CCBE1: variants seen among roughly 807,000 people sequenced by gnomAD.
The protein encoded by CCBE1 is collagen and calcium binding EGF domains 1, also known as collagen and calcium-binding EGF domain-containing protein 1.
In CCBE1, 37 loss-of-function variants were observed where a neutral mutation model predicts 50.0. The observed-to-expected ratio is 0.74, with a 90% CI of 0.57 to 0.97. The LOEUF is 0.97. Among genes scored for constraint, CCBE1 ranks in the 50% least tolerant of loss-of-function variants. The probability of loss-of-function intolerance (pLI) is 0.00; values close to 1 mark genes in which losing one functional copy is unlikely to be tolerated. For synonymous variants in CCBE1, 234 were observed against 203.7 expected (o/e 1.15, Z -1.27); for missense variants, 538 against 523.8 (o/e 1.03, Z -0.26).
chr18:59,534,393 T>C (rs1915165960), intron 2 of CCBE1, among the ~76,000 whole-genome samples: 1 of 152,226 alleles, frequency 6.6e-6, no homozygotes, highest in Non-Finnish European at 1.5e-5. Flanking sequence ...AGTGGGATAT[T>C]ATTAAAAGCA....
intron 2 of CCBE1, among the ~76,000 whole-genome samples, chr18:59,676,268 T>A (rs1014438544): frequency 6.6e-6 from 1 of 152,238 alleles, no homozygotes; most frequent in Admixed American, 6.5e-5. Context: ...GAACAGTCTT[T>A]GTTCTCTTGG....
chr18:59,529,141 G>A (rs1322068230), intron 2 of CCBE1, among the ~76,000 whole-genome samples: 1 of 151,976 alleles, frequency 6.6e-6, no homozygotes, highest in Non-Finnish European at 1.5e-5. Context: ...GGAGATCAGA[G>A]TTCTGTCCGT....
At chr18:59,590,838 C>A (rs1400805393) in intron 2 of CCBE1, among the ~76,000 whole-genome samples, 2 of 152,186 alleles carry the variant, frequency 1.3e-5, no homozygotes, top group Admixed American at 1.3e-4. Context: ...TAGATACAGA[C>A]TTCACTCCAT....
chr18:59,448,652 T>C (rs1910793450), intron 6 of CCBE1, among the ~76,000 whole-genome samples: 1 of 152,220 alleles, frequency 6.6e-6, no homozygotes, highest in South Asian at 2.1e-4. Flanking sequence ...ACAAATTCTT[T>C]GACACTTTGT....
At chr18:59,542,916 C>T (rs538574666) in intron 2 of CCBE1, among the ~76,000 whole-genome samples, 6 of 152,318 alleles carry the variant, frequency 3.9e-5, no homozygotes, top group East Asian at 1.9e-4. Context: ...ACTGAACTCT[C>T]GAACCCCACT....
chr18:59,603,533 T>C (rs1791402833), intron 2 of CCBE1, among the ~76,000 whole-genome samples: 1 of 152,198 alleles, frequency 6.6e-6, no homozygotes, highest in African/African-American at 2.4e-5. Flanking sequence ...ACCTTTCACA[T>C]CCTGGGTCAT....
chr18:59,467,635 C>T (rs919574823), intron 4 of CCBE1, among the ~76,000 whole-genome samples: 13 of 152,164 alleles, frequency 8.5e-5, no homozygotes, highest in African/African-American at 2.9e-4. Flanking sequence ...GAAACAAAAA[C>T]GTTTCCCACC....
intron 2 of CCBE1, among the ~76,000 whole-genome samples, chr18:59,521,466 ACT>A (rs1914597929): frequency 6.6e-6 from 1 of 152,132 alleles, no homozygotes; most frequent in Non-Finnish European, 1.5e-5. Context: ...TTCCCAAAAC[ACT>A]GAGCAGAGAA....
chr18:59,488,771 T>C (rs1199006495), intron 2 of CCBE1, among the ~76,000 whole-genome samples: 1 of 151,790 alleles, frequency 6.6e-6, no homozygotes, highest in Non-Finnish European at 1.5e-5. Context: ...AAGCTTGGGG[T>C]GAGGGTTACA....
chr18:59,487,001 C>T (rs1028962863), intron 2 of CCBE1, among the ~76,000 whole-genome samples: 1 of 151,324 alleles, frequency 6.6e-6, no homozygotes, highest in Non-Finnish European at 1.5e-5. Flanking sequence ...CTGAGTAGAA[C>T]CTGGCCTCTA....
At chr18:59,499,069 C>T (rs1042453484) in intron 2 of CCBE1, among the ~76,000 whole-genome samples, 4 of 152,202 alleles carry the variant, frequency 2.6e-5, no homozygotes, top group African/African-American at 9.7e-5. Flanking sequence ...GTGTCATTTA[C>T]TCATACATCC....
At chr18:59,515,453 T>C (rs2144310130) in intron 2 of CCBE1, among the ~76,000 whole-genome samples, 1 of 152,306 alleles carries the variant, frequency 6.6e-6, no homozygotes, top group South Asian at 2.1e-4. Context: ...TTTCCAAATC[T>C]GGGTTGAGAT....
intron 2 of CCBE1, among the ~76,000 whole-genome samples, chr18:59,671,397 C>T (rs1027811006): frequency 6.6e-6 from 1 of 150,698 alleles, no homozygotes; most frequent in Non-Finnish European, 1.5e-5. Context: ...GCCTGGGAGG[C>T]TAAAGTGGGA....
intron 2 of CCBE1, among the ~76,000 whole-genome samples, chr18:59,689,331 G>T (rs1039194957): frequency 6.6e-6 from 1 of 152,208 alleles, no homozygotes; most frequent in African/African-American, 2.4e-5. Context: ...AAGAAGGAAA[G>T]GTCTAGAACG....
At chr18:59,571,316 T>C (rs1568212403) in intron 2 of CCBE1, among the ~76,000 whole-genome samples, 1 of 152,206 alleles carries the variant, frequency 6.6e-6, no homozygotes, top group Admixed American at 6.5e-5. Flanking sequence ...CTTGAGTTCA[T>C]GTCCTTTGTA....
At chr18:59,509,228 T>C (rs1260614715) in intron 2 of CCBE1, among the ~76,000 whole-genome samples, 1 of 152,142 alleles carries the variant, frequency 6.6e-6, no homozygotes, top group Non-Finnish European at 1.5e-5. Context: ...TTTATCAACA[T>C]TGGTAGTTAA....
chr18:59,652,479 C>CA (rs1482601078), intron 2 of CCBE1, among the ~76,000 whole-genome samples: 3 of 109,626 alleles, frequency 2.7e-5, no homozygotes, highest in Non-Finnish European at 6.7e-5. Context: ...CTGACTCCCC[C>CA]CCTTTTTTTT....
At chr18:59,658,906 A>AAAAAC (rs2054245031) in intron 2 of CCBE1, among the ~76,000 whole-genome samples, 1 of 146,776 alleles carries the variant, frequency 6.8e-6, no homozygotes, top group Non-Finnish European at 1.5e-5. Flanking sequence ...AAAAAAAAAA[A>AAAAAC]CTGTTACCAG....
At chr18:59,463,752 G>C (rs1468511952) in intron 5 of CCBE1, among the ~76,000 whole-genome samples, 1 of 152,188 alleles carries the variant, frequency 6.6e-6, no homozygotes, top group Non-Finnish European at 1.5e-5. Context: ...TGTTGCTGGG[G>C]TTCCCGGTGA....
Sources: gnomAD v4.1 joint callset for allele counts (sites outside exome capture counted in the v4.1 genomes callset) on GRCh38, gnomAD v4.1.1 for gene constraint, MANE v1.5 for transcripts, NCBI Gene and HGNC (gene_info 2026-07-23, HGNC 2026-07-21) for gene names.